The following DIXDC1 variants were observed in gnomAD, a reference collection of about 807,000 sequenced individuals.
The protein encoded by DIXDC1 is DIX domain containing 1.
A neutral mutation model predicts 103.1 loss-of-function variants in DIXDC1; 64 were observed. The observed-to-expected ratio is 0.62, with a 90% CI of 0.51 to 0.76. The LOEUF (loss-of-function observed/expected upper bound fraction) is 0.76, where lower values mean the gene tolerates loss of function less well. Ranked by LOEUF, DIXDC1 falls within the 30% of genes least tolerant of loss-of-function variation. DIXDC1 has a pLI of 0.00. For missense variants in DIXDC1, 759 were observed against 834.2 expected, an observed-to-expected ratio of 0.91 and a Z score of 1.11; for synonymous variants, 266 against 298.5, an observed-to-expected ratio of 0.89 and a Z score of 1.12.
chr11:111,958,971 G>A lies in DIXDC1; in HGVS notation c.61-5578G>A, dbSNP rs587700949. Among the ~76,000 whole-genome samples, 1 of 152,248 alleles carries A rather than the reference G, an allele frequency of 6.6e-6. No individual in the cohort carries two copies. Among genetic ancestry groups the A allele is most frequent in the East Asian group, 1.9e-4 (1 of 5,176 alleles). Reference sequence around the variant, plus strand: ...CTACCCACTCCAGGGTCTTCACTCTGCTGAGAGCTGAACACTCATCGGGAC... The same window carrying A: ...CTACCCACTCCAGGGTCTTCACTCTACTGAGAGCTGAACACTCATCGGGAC... On this transcript the variant is annotated intron_variant, in intron 1 of 19. Transcript: ENST00000440460. This position sits in a 1 kb window ranked among gnomAD's most constrained non-coding sequence, Gnocchi z 4.2.
Position 111,974,016 on chromosome 11 carries a change from C to T in DIXDC1, c.317-7C>T, listed in dbSNP as rs1555172327. Reference sequence around the variant, plus strand: ...CTGTTTTATTCTTGGTCCGTTTTATCCTTCAGATATTGTGGATGGAAACCT... The same window carrying T: ...CTGTTTTATTCTTGGTCCGTTTTATTCTTCAGATATTGTGGATGGAAACCT... On this transcript the variant is annotated splice_region_variant and splice_polypyrimidine_tract_variant and intron_variant, in intron 3 of 19. Transcript: ENST00000440460. 2 of 1,613,432 alleles carry T rather than the reference C, an allele frequency of 1.2e-6. No individual in the cohort carries two copies. Among genetic ancestry groups the T allele is most frequent in the Non-Finnish European group, 8.5e-7 (1 of 1,179,694 alleles).
rs956063724 is a variant in DIXDC1 at position 111,972,403 on chromosome 11, T to C, written c.317-1620T>C. On this transcript the variant is annotated intron_variant, in intron 3 of 19. Transcript: ENST00000440460. ...GGGAACACTGCCATTTAGGACATCA[T>C]TGTCATTTACCTGGAGAAGTGTAAC... Among the ~76,000 whole-genome samples, 4 of 152,304 alleles carry C rather than the reference T, an allele frequency of 2.6e-5. No individual in the cohort carries two copies. In the East Asian group the frequency reaches 7.7e-4, roughly 29 times the overall value.
chr11:111,993,663 TTGC>T lies in DIXDC1; in HGVS notation c.1366-5_1366-3del. ...ATCATTTTCTGATTTAGTGTCTATT[TTGC>T]AGGTGGATCTAGAGCGAGAGCTAGA... On this transcript the variant is annotated splice_polypyrimidine_tract_variant and splice_region_variant and intron_variant, in intron 13 of 19. Coordinates refer to ENST00000440460, the MANE Select transcript of DIXDC1 (RefSeq NM_001037954.4). The T allele has an allele frequency of 6.2e-7, 1 of 1,614,052 alleles. No homozygotes were observed. The highest frequency in any genetic ancestry group is 8.5e-7 in the Non-Finnish European group (1 of 1,179,906).
Position 111,977,197 on chromosome 11 carries a change from C to T in DIXDC1, c.656+2214C>T, listed in dbSNP as rs587730148. ...CAGCCCCGCCCCTGGCCCGCACCCT[C>T]AACCTCCGTCCAGAGCGGTCGGTTG... On this transcript the variant is annotated intron_variant, in intron 5 of 19. Coordinates refer to ENST00000440460, the MANE Select transcript of DIXDC1 (RefSeq NM_001037954.4). The surrounding 1 kb of genome is among the most constrained non-coding windows in gnomAD (Gnocchi z 6.1). 73 of 945,302 alleles carry T rather than the reference C, an allele frequency of 7.7e-5. 1 individual carries two copies. In the African/African-American group the frequency reaches 1.3e-3, roughly 16 times the overall value. The allele number at this position is 945,302 out of a possible 1,614,324, so 58.6% of individuals were successfully genotyped here.
chr11:111,965,315 T>C (rs587626911), intron 2 of DIXDC1, among the ~76,000 whole-genome samples: 5 of 152,344 alleles, frequency 3.3e-5, no homozygotes, highest in African/African-American at 9.6e-5. Context: ...AATTATGTGG[T>C]AATCATTTGA....
upstream of DIXDC1, among the ~76,000 whole-genome samples, chr11:111,936,560 T>C (rs1394392970): frequency 6.6e-6 from 1 of 152,216 alleles, no homozygotes; most frequent in East Asian, 1.9e-4. Flanking sequence ...TGGTCATCCT[T>C]GATGTTTCTG....
intron 1 of DIXDC1, among the ~76,000 whole-genome samples, chr11:111,962,594 A>G (rs1229792262): frequency 1.3e-5 from 2 of 151,952 alleles, no homozygotes; most frequent in African/African-American, 4.8e-5. Context: ...GTATTTGGGG[A>G]ATGGGGGTGA....
intron 1 of DIXDC1, among the ~76,000 whole-genome samples, chr11:111,955,354 AAAAAG>A (rs1245633248): frequency 2.0e-5 from 3 of 151,342 alleles, no homozygotes; most frequent in African/African-American, 7.3e-5. Flanking sequence ...AAAAAAAAAA[AAAAAG>A]GAAGGAAAGG....
chr11:112,002,793 C>A (rs1555176151), intron 17 of DIXDC1, among the ~76,000 whole-genome samples: 1 of 151,978 alleles, frequency 6.6e-6, no homozygotes, highest in African/African-American at 2.4e-5. Flanking sequence ...AAACAAAACA[C>A]CAAATAAACA....
In DIXDC1 at chr11:111,964,617, G is replaced by T. The variant is rs1555171337; in HGVS notation, c.129G>T (p.Val43=). The change falls in exon 2 of 20, where the codon GTG becomes GTT. Residue 43 remains valine (V), a synonymous_variant. Transcript: ENST00000440460. ...AGAAGAGGCCAGCAGTGAAGCCTGT[G>T]CAGGACCTGCGACAAGATCTCCGGG... The part of the protein sequence containing the change: ...QLKKRPAVKP[V]QDLRQDLRDG... 2 of 1,612,282 alleles carry T rather than the reference G, an allele frequency of 1.2e-6. No individual in the cohort carries two copies. The highest frequency in any genetic ancestry group is 3.3e-5 in the Admixed American group (2 of 59,720).
chr11:111,970,925 C>T (rs1859901314), intron 3 of DIXDC1, among the ~76,000 whole-genome samples: 1 of 152,080 alleles, frequency 6.6e-6, no homozygotes, highest in African/African-American at 2.4e-5. Context: ...CAGCCATATG[C>T]AGAAGAATGA....
upstream of DIXDC1, chr11:111,937,130 G>GGGA (rs1555168208): frequency 3.2e-5 from 22 of 677,342 alleles, no homozygotes; most frequent in Non-Finnish European, 3.9e-5. Context: ...TGCGGCCCGG[G>GGGA]CGGGGGGGGG....
In DIXDC1 at chr11:112,017,061, G is replaced by A. The variant is rs1555177822; in HGVS notation, c.1862+265G>A. On this transcript the variant is annotated intron_variant, in intron 18 of 19. Transcript: ENST00000440460. The surrounding 1 kb of genome is among the most constrained non-coding windows in gnomAD (Gnocchi z 4.0). ...CTGATAACTATGCAAATATGGCTCT[G>A]CATTTGGGAAAATCTTTTTTTTTTT... Among the ~76,000 whole-genome samples the A allele has an allele frequency of 6.6e-6, 1 of 151,460 alleles. No individual in the cohort carries two copies. The highest frequency in any genetic ancestry group is 1.5e-5 in the Non-Finnish European group (1 of 67,916).
At chr11:111,957,100 G>A (rs1859412320) in intron 1 of DIXDC1, among the ~76,000 whole-genome samples, 1 of 152,122 alleles carries the variant, frequency 6.6e-6, no homozygotes, top group Non-Finnish European at 1.5e-5. Context: ...TTGAGCCCAG[G>A]AAGTTAAAGC....
chr11:111,971,957 T>C (rs1263955209), intron 3 of DIXDC1, among the ~76,000 whole-genome samples: 2 of 151,850 alleles, frequency 1.3e-5, no homozygotes, highest in African/African-American at 4.8e-5. Flanking sequence ...CAATAGAAAC[T>C]GGGGACTACT....
chr11:111,964,299 G>A (rs1364845848), intron 1 of DIXDC1, among the ~76,000 whole-genome samples: 1 of 152,324 alleles, frequency 6.6e-6, no homozygotes, highest in African/African-American at 2.4e-5. Flanking sequence ...CTGCTTATGT[G>A]TGTCTACAGT....
chr11:111,957,784 A>G (rs1434257466), intron 1 of DIXDC1, among the ~76,000 whole-genome samples: 1 of 152,242 alleles, frequency 6.6e-6, no homozygotes, highest in Non-Finnish European at 1.5e-5. Flanking sequence ...TGGACCAGAT[A>G]AAGGACATTA....
intron 1 of DIXDC1, chr11:111,929,774 TCC>T: frequency 3.7e-6 from 5 of 1,353,662 alleles, no homozygotes; most frequent in Admixed American, 4.7e-5. Flanking sequence ...ATTTTTTTTT[TCC>T]TGGCTTGTTA....
chr11:111,967,308 A>C (rs1244440864), intron 2 of DIXDC1, among the ~76,000 whole-genome samples: 1 of 152,196 alleles, frequency 6.6e-6, no homozygotes, highest in Non-Finnish European at 1.5e-5. Flanking sequence ...TTTATTCTCC[A>C]AGTTTCTTCA....
Sources: allele counts gnomAD v4.1 joint callset (sites outside exome capture counted in the v4.1 genomes callset), GRCh38; gene constraint gnomAD v4.1.1; non-coding constraint Gnocchi (gnomAD v3.1); transcripts MANE v1.5; gene names NCBI Gene and HGNC (gene_info 2026-07-23, HGNC 2026-07-21).